The following PEAK1 variants were observed in gnomAD, a reference collection of about 807,000 sequenced individuals.
PEAK1 encodes pseudopodium enriched atypical kinase 1.
A neutral mutation model predicts 124.7 loss-of-function variants in PEAK1; 54 were observed. The ratio of observed to expected loss-of-function variants is 0.43; its 90% CI spans 0.35 to 0.54. The LOEUF is 0.54. Ranked by LOEUF, PEAK1 falls within the 20% of genes least tolerant of loss-of-function variation. The pLI, the probability that PEAK1 is intolerant of heterozygous loss-of-function variation, is 0.01. For synonymous variants in PEAK1, 719 were observed against 760.0 expected (o/e 0.95, Z 0.89); for missense variants, 2,046 against 2,134.5 (o/e 0.96, Z 0.82).
chr15:77,132,346 A>G (rs949170330), intron 9 of PEAK1, among the ~76,000 whole-genome samples: 6 of 151,900 alleles, frequency 3.9e-5, no homozygotes, highest in African/African-American at 1.4e-4. Context: ...TGGGCTCCCA[A>G]AGTGCTGGGA....
Position 77,140,732 on chromosome 15 carries a change from T to C in PEAK1, c.3332-6982A>G, listed in dbSNP as rs761540092. On this transcript the variant is annotated intron_variant, in intron 8 of 9. Coordinates refer to ENST00000682557, the MANE Select transcript of PEAK1 (RefSeq NM_001385026.1). The stretch of plus-strand genomic sequence containing the variant: ...GCCATTTCTTTTTTTTTCTTTTTCT[T>C]TGTGTCTTTTTTTTTTTTCCCAGAC... Among the ~76,000 whole-genome samples, 147 of 151,978 alleles carry C rather than the reference T, an allele frequency of 9.7e-4. 1 individual carries two copies. The highest frequency in any genetic ancestry group is 1.6e-3 in the Non-Finnish European group (106 of 67,980).
At chr15:77,348,329 T>G in intron 2 of PEAK1, 1 of 876,492 alleles carries the variant, frequency 1.1e-6, no homozygotes, top group African/African-American at 1.8e-5. Context: ...CTTACAAGAT[T>G]GATAGGAATA....
intron 1 of PEAK1, among the ~76,000 whole-genome samples, chr15:77,408,448 T>C (rs747878309): frequency 1.6e-4 from 25 of 151,996 alleles, no homozygotes; most frequent in African/African-American, 4.8e-4. Context: ...TGCTTGGCGA[T>C]GGGTGCACCA....
chr15:77,205,565 T>A (rs905110353), intron 6 of PEAK1, among the ~76,000 whole-genome samples: 1 of 152,186 alleles, frequency 6.6e-6, no homozygotes, highest in Non-Finnish European at 1.5e-5. Flanking sequence ...GGCTCATGGC[T>A]CTCCTTATCA....
chr15:77,234,071 G>A (rs556295684), intron 6 of PEAK1, among the ~76,000 whole-genome samples: 2 of 152,160 alleles, frequency 1.3e-5, no homozygotes, highest in Admixed American at 1.3e-4. Flanking sequence ...TTGCCAACTT[G>A]CCCTGGCTGG....
chr15:77,363,822 C>G (rs1453520606), intron 2 of PEAK1, among the ~76,000 whole-genome samples: 1 of 152,042 alleles, frequency 6.6e-6, no homozygotes, highest in East Asian at 1.9e-4. Context: ...ACTCTATTTA[C>G]ATAAAATGTC....
At chr15:77,405,355 A>G (rs1241011466) in intron 1 of PEAK1, among the ~76,000 whole-genome samples, 1 of 152,148 alleles carries the variant, frequency 6.6e-6, no homozygotes, top group East Asian at 1.9e-4. Flanking sequence ...GGCTGAGGAG[A>G]AGGGCGTTAC....
intron 9 of PEAK1, among the ~76,000 whole-genome samples, chr15:77,122,739 GGCT>G (rs1254641736): frequency 2.0e-5 from 3 of 152,106 alleles, no homozygotes; most frequent in Non-Finnish European, 2.9e-5. Context: ...ATGTGTAGTT[GGCT>G]GCTGATCAAT....
At chr15:77,318,261 A>G (rs2064995502) in intron 2 of PEAK1, among the ~76,000 whole-genome samples, 1 of 152,216 alleles carries the variant, frequency 6.6e-6, no homozygotes, top group African/African-American at 2.4e-5. Flanking sequence ...TTTTGCTATT[A>G]TAATACAGTT....
In PEAK1 at chr15:77,114,034, C is replaced by G; in HGVS notation, c.*122G>C. 3 of 1,046,886 alleles carry G rather than the reference C, an allele frequency of 2.9e-6. No homozygotes were observed. Among genetic ancestry groups the G allele is most frequent in the Non-Finnish European group, 4.2e-6 (3 of 706,096 alleles). The allele number at this position is 1,046,886 out of a possible 1,614,324, so 64.8% of individuals were successfully genotyped here. On this transcript the variant is annotated 3_prime_UTR_variant, in exon 10 of 10. Transcript: ENST00000682557. ...CTTTCTGAATAGACCCACTTGTTCA[C>G]GGACAGGGATAGAGGTTTGCCTTTC...
At chr15:77,102,113 A>C (rs2050699653) in exon 7 of PEAK1, 1 of 152,228 alleles carries the variant, frequency 6.6e-6, no homozygotes. Flanking sequence ...TTTCTACTGT[A>C]AACAGGCATT....
At chr15:77,200,307 T>C (rs1436798087) in intron 6 of PEAK1, among the ~76,000 whole-genome samples, 1 of 152,192 alleles carries the variant, frequency 6.6e-6, no homozygotes, top group African/African-American at 2.4e-5. Context: ...GAATACAAAA[T>C]AAGTGTTAAT....
chr15:77,114,279 A>G lies in PEAK1; in HGVS notation c.5118T>C (p.Phe1706=). 1 of 1,614,218 alleles carries G rather than the reference A, an allele frequency of 6.2e-7. No homozygotes were observed. Among genetic ancestry groups the G allele is most frequent in the Non-Finnish European group, 8.5e-7 (1 of 1,180,040 alleles). The change falls in exon 10 of 10, where the codon TTT becomes TTC. Residue 1706 remains phenylalanine (F), a synonymous_variant. Transcript: ENST00000682557. ...DIKRTLLMIK[F]AEKSLDREGG... ...CTTCCCTGTCCAGGGACTTCTCAGC[A>G]AACTTGATCATGAGCAGTGTTCGCT...
At chr15:77,175,410 A>G (rs1317475677) in intron 7 of PEAK1, among the ~76,000 whole-genome samples, 4 of 151,656 alleles carry the variant, frequency 2.6e-5, no homozygotes, top group East Asian at 1.9e-4. Flanking sequence ...TTACAAGAAA[A>G]AAACAAACAA....
chr15:77,263,172 C>T (rs1481625152), intron 5 of PEAK1, among the ~76,000 whole-genome samples: 3 of 151,954 alleles, frequency 2.0e-5, no homozygotes, highest in Non-Finnish European at 4.4e-5. Flanking sequence ...AAATTGACAC[C>T]ATAACATCAC....
At chr15:77,205,275 T>TAA (rs374955010) in intron 6 of PEAK1, among the ~76,000 whole-genome samples, 1 of 143,400 alleles carries the variant, frequency 7.0e-6, no homozygotes, top group African/African-American at 2.6e-5. Context: ...TGCCTTTTTT[T>TAA]AAAAAAAAAA....
At chr15:77,395,682 A>C (rs1485196647) in intron 1 of PEAK1, among the ~76,000 whole-genome samples, 5 of 152,152 alleles carry the variant, frequency 3.3e-5, no homozygotes, top group African/African-American at 7.2e-5. Flanking sequence ...GGAAAAAAAA[A>C]CCTTTATCCT....
At chr15:77,380,542 G>A (rs528381500) in intron 1 of PEAK1, among the ~76,000 whole-genome samples, 2 of 152,236 alleles carry the variant, frequency 1.3e-5, no homozygotes, top group South Asian at 2.1e-4. Context: ...GCAATGGCAC[G>A]ATCACAGCTC....
chr15:77,207,301 G>A (rs908655902), intron 6 of PEAK1, among the ~76,000 whole-genome samples: 4 of 152,140 alleles, frequency 2.6e-5, no homozygotes, highest in Admixed American at 2.0e-4. Flanking sequence ...TAGATTCTTG[G>A]TACGTATGTT....
Sources: allele counts gnomAD v4.1 joint callset (sites outside exome capture counted in the v4.1 genomes callset), GRCh38; gene constraint gnomAD v4.1.1; transcripts MANE v1.5; gene names NCBI Gene and HGNC (gene_info 2026-07-23, HGNC 2026-07-21).